Variants in NCKAP5 observed in about 807,000 individuals in gnomAD.
The protein encoded by NCKAP5 is NCK associated protein 5.
Under a neutral mutation model 167.0 loss-of-function variants are expected in NCKAP5, and 92 were observed. The observed-to-expected ratio is 0.55, with a 90% confidence interval of 0.47 to 0.66. The LOEUF is 0.66. NCKAP5 is among the 30% of genes least tolerant of loss of function. The pLI is 0.00. For synonymous variants in NCKAP5, 891 were observed against 877.4 expected, an observed-to-expected ratio of 1.02 and a Z score of -0.27; for missense variants, 2,378 against 2,315.0, an observed-to-expected ratio of 1.03 and a Z score of -0.56.
At chr2:133,641,485 A>C in the NCKAP5 span, among the ~76,000 whole-genome samples, 19 of 152,364 alleles carry the variant, frequency 1.2e-4, no homozygotes, top group South Asian at 3.7e-3. Context: ...TAAGAGCTGA[A>C]AAGATTTTGG....
chr2:133,540,470 T>G (rs1686130462), intron 2 of NCKAP5, among the ~76,000 whole-genome samples: 2 of 152,256 alleles, frequency 1.3e-5, no homozygotes, highest in South Asian at 4.1e-4. Flanking sequence ...AAATAAAAAC[T>G]TTTTAGACTT....
intron 3 of NCKAP5, among the ~76,000 whole-genome samples, chr2:133,382,357 A>T (rs572622667): frequency 6.6e-6 from 1 of 152,318 alleles, no homozygotes; most frequent in African/African-American, 2.4e-5. Context: ...TCTGTTCACC[A>T]CACAGTACCT....
intron 5 of NCKAP5, among the ~76,000 whole-genome samples, chr2:133,135,306 G>A (rs1451625654): frequency 1.3e-5 from 2 of 152,176 alleles, no homozygotes; most frequent in Admixed American, 1.3e-4. Context: ...GGAGAGGCAA[G>A]TGCAAAGCCC....
intron 5 of NCKAP5, among the ~76,000 whole-genome samples, chr2:133,143,030 T>A (rs1225892557): frequency 6.6e-6 from 1 of 152,140 alleles, no homozygotes; most frequent in East Asian, 1.9e-4. Context: ...TTTATATTAG[T>A]GTCTTGAAAG....
chr2:133,119,956 TAAAAC>T (rs2082200718), intron 6 of NCKAP5, among the ~76,000 whole-genome samples: 1 of 152,076 alleles, frequency 6.6e-6, no homozygotes, highest in African/African-American at 2.4e-5. Context: ...TTGGAAATGA[TAAAAC>T]ATAAAAGTAA....
intron 4 of NCKAP5, among the ~76,000 whole-genome samples, chr2:133,294,104 T>C (rs1388143511): frequency 6.6e-6 from 1 of 152,204 alleles, no homozygotes; most frequent in African/African-American, 2.4e-5. Context: ...TCTCTCTTTG[T>C]TTGCTACACA....
intron 3 of NCKAP5, among the ~76,000 whole-genome samples, chr2:133,305,526 G>A (rs911046430): frequency 9.9e-5 from 15 of 152,088 alleles, no homozygotes; most frequent in African/African-American, 3.1e-4. Context: ...ACAAGGTGAA[G>A]GCATTATTCA....
chr2:132,872,375 C>T (rs567632134), intron 9 of NCKAP5, among the ~76,000 whole-genome samples: 51 of 152,338 alleles, frequency 3.3e-4, no homozygotes, highest in African/African-American at 1.2e-3. Context: ...AAACTTTGCT[C>T]TTCTTCCCTG....
At chr2:132,680,862 A>G (rs1573829533) in intron 19 of NCKAP5, among the ~76,000 whole-genome samples, 1 of 152,278 alleles carries the variant, frequency 6.6e-6, no homozygotes, top group East Asian at 1.9e-4. Context: ...GCAAACTCTG[A>G]TGTTAGCGTC....
chr2:133,312,941 C>G (rs370118257), intron 3 of NCKAP5, among the ~76,000 whole-genome samples: 1 of 152,126 alleles, frequency 6.6e-6, no homozygotes, highest in East Asian at 1.9e-4. Flanking sequence ...ACATTTAAGC[C>G]TCACAACATC....
rs957489485 is a variant in NCKAP5, at chr2:133,513,820, C to T, written c.69+3638G>A. Among the ~76,000 whole-genome samples, 16 of 150,448 alleles carry T rather than the reference C, an allele frequency of 1.1e-4. 1 individual carries two copies. In the South Asian group the frequency reaches 3.1e-3, roughly 29 times the overall value. On this transcript the variant is annotated intron_variant, in intron 3 of 19. Transcript: ENST00000409261. ...ATTCATACTGTTACTCTCATCTGTGCTTAAAAGCTAAATGTATTTCCCAAA... is the reference window on the plus strand; with the variant it reads ...ATTCATACTGTTACTCTCATCTGTGTTTAAAAGCTAAATGTATTTCCCAAA...
the NCKAP5 span, among the ~76,000 whole-genome samples, chr2:133,614,801 C>T: frequency 1.3e-5 from 2 of 151,210 alleles, no homozygotes; most frequent in East Asian, 3.9e-4. Context: ...ACAGAGAATG[C>T]CACAAAGATA....
At chr2:132,963,930 A>C in intron 7 of NCKAP5, 61 bp from the exon 8 acceptor site, 1 of 1,570,646 alleles carries the variant, frequency 6.4e-7, no homozygotes, top group Non-Finnish European at 8.7e-7. Context: ...CATGAGTGTG[A>C]GGCTGAAAAG....
intron 8 of NCKAP5, among the ~76,000 whole-genome samples, chr2:132,933,113 G>GA (rs1484605232): frequency 2.0e-5 from 3 of 152,034 alleles, no homozygotes; most frequent in African/African-American, 7.2e-5. Flanking sequence ...TTTTAGTAGA[G>GA]ACGGGGTTTC....
At chr2:133,511,548 T>G (rs1683495202) in intron 3 of NCKAP5, among the ~76,000 whole-genome samples, 1 of 152,206 alleles carries the variant, frequency 6.6e-6, no homozygotes, top group African/African-American at 2.4e-5. Context: ...AGTCAATATT[T>G]CAGCGTGACA....
At chr2:132,830,667 C>CT in intron 11 of NCKAP5, among the ~76,000 whole-genome samples, 1 of 152,326 alleles carries the variant, frequency 6.6e-6, no homozygotes, top group Non-Finnish European at 1.5e-5. Context: ...TGCATAGCTG[C>CT]TTTCTCTCAC....
intron 3 of NCKAP5, among the ~76,000 whole-genome samples, chr2:133,337,153 C>T (rs1013123622): frequency 8.5e-5 from 13 of 152,172 alleles, no homozygotes; most frequent in African/African-American, 2.9e-4. Context: ...ATTAATATGC[C>T]AGTAGGACAA....
intron 8 of NCKAP5, 26 bp from the exon 9 acceptor site, chr2:132,878,942 A>G: frequency 1.3e-6 from 2 of 1,568,288 alleles, no homozygotes; most frequent in Middle Eastern, 1.7e-4. Context: ...AAAATAACAC[A>G]AATAAATCAA....
chr2:133,203,288 C>A (rs181876684), intron 5 of NCKAP5, among the ~76,000 whole-genome samples: 1 of 151,880 alleles, frequency 6.6e-6, no homozygotes, highest in African/African-American at 2.4e-5. Context: ...ACCATCGCAA[C>A]GACAGAAAAC....
Sources: gnomAD v4.1 joint callset for allele counts (sites outside exome capture counted in the v4.1 genomes callset) on GRCh38, gnomAD v4.1.1 for gene constraint, MANE v1.5 for transcripts, NCBI Gene and HGNC (gene_info 2026-07-23, HGNC 2026-07-21) for gene names.